The following EVI5L variants were observed in gnomAD, a reference collection of about 807,000 sequenced individuals.
EVI5L encodes ecotropic viral integration site 5 like, also known as EVI5-like protein.
In EVI5L, 30 loss-of-function variants were observed where a neutral mutation model predicts 106.1. That is an observed-to-expected ratio of 0.28 (90% confidence interval 0.21 to 0.38). EVI5L has a LOEUF of 0.38. Ranked by LOEUF, EVI5L falls within the 10% of genes least tolerant of loss-of-function variation. The probability of loss-of-function intolerance (pLI) is 1.00; values close to 1 mark genes in which losing one functional copy is unlikely to be tolerated. For missense variants in EVI5L, 809 were observed against 1,098.0 expected (o/e 0.74, Z 3.72); for synonymous variants, 489 against 483.3 (o/e 1.01, Z -0.15).
rs533036728 is a variant in EVI5L at position 7,863,320 on chromosome 19, C to A, written c.2139+40C>A. The stretch of plus-strand genomic sequence containing the variant: ...GGATGCCGGGGACAGGCCTGGGTGT[C>A]GTCGGCCTGGGACGAGCCGAGCGCA... On this transcript the variant is annotated intron_variant, in intron 19 of 19. Transcript: ENST00000538904. This position sits in a 1 kb window ranked among gnomAD's most constrained non-coding sequence, Gnocchi z 7.7. The A allele has an allele frequency of 1.9e-6, 3 of 1,548,688 alleles. No homozygotes were observed. Among genetic ancestry groups the A allele is most frequent in the South Asian group, 1.2e-5 (1 of 83,974 alleles).
At chr19:7,831,634 C>T (rs1156626353) in intron 1 of EVI5L, among the ~76,000 whole-genome samples, 1 of 152,242 alleles carries the variant, frequency 6.6e-6, no homozygotes, top group Non-Finnish European at 1.5e-5. Flanking sequence ...GGGAAGGACG[C>T]TCACTTTCTC....
chr19:7,844,865 GA>G (rs1456998210), intron 1 of EVI5L, among the ~76,000 whole-genome samples: 5 of 152,130 alleles, frequency 3.3e-5, no homozygotes, highest in African/African-American at 9.7e-5. Context: ...CCCATACAGT[GA>G]AAAAAGAATG....
chr19:7,853,621 G>A (rs930421645), intron 10 of EVI5L: 25 of 509,926 alleles, frequency 4.9e-5, no homozygotes, highest in Non-Finnish European at 7.5e-5. Context: ...ACTAGAGTGC[G>A]GACTCTAAAT....
rs951425714 is a variant in EVI5L at position 7,849,326 on chromosome 19, T to C, written c.623T>C (p.Met208Thr). The part of the protein sequence containing the change: ...GSAFIVGLLL[M>T]QMPEEEAFCV... The stretch of plus-strand genomic sequence containing the variant: ...GCCTTCATCGTGGGCCTGCTCCTCA[T>C]GCAGGTAGGTGGCTGGGGGGTGGCT... Residue 208 changes from methionine to threonine, a missense_variant, in exon 5 of 20, where the codon ATG becomes ACG. Around this residue, in one of 2 missense-constraint regions of EVI5L, gnomAD observed 357 missense variants for 588.1 expected, o/e 0.61. Transcript: ENST00000538904. 1 of 1,614,016 alleles carries C rather than the reference T, an allele frequency of 6.2e-7. No individual in the cohort carries two copies. Among genetic ancestry groups the C allele is most frequent in the Non-Finnish European group, 8.5e-7 (1 of 1,180,016 alleles).
At chr19:7,851,021 T>TGG (rs5826986) in intron 6 of EVI5L, among the ~76,000 whole-genome samples, 7 of 148,098 alleles carry the variant, frequency 4.7e-5, no homozygotes, top group African/African-American at 1.7e-4. Flanking sequence ...CGTAACAAGG[T>TGG]GGGGGGGGGG....
rs1367011956 is a variant in EVI5L at position 7,857,286 on chromosome 19, CG to C, written c.1233+169del. 77 of 890,096 alleles carry C rather than the reference CG, an allele frequency of 8.7e-5. No individual in the cohort carries two copies. Among genetic ancestry groups the C allele is most frequent in the South Asian group, 3.6e-4 (23 of 64,022 alleles). 55.1% of individuals were successfully genotyped at this position (890,096 alleles called of 1,614,324 possible). On this transcript the variant is annotated intron_variant, in intron 12 of 19. Transcript: ENST00000538904. The surrounding 1 kb of genome is among the most constrained non-coding windows in gnomAD (Gnocchi z 4.5). ...GCTTCTGGGGGACACAGAGGCTTCC[CG>C]GGGGGGCGGGGCATGTGAAGTGGGG...
intron 17 of EVI5L, 145 bp downstream of exon 17, chr19:7,862,679 C>T: frequency 2.9e-6 from 2 of 700,752 alleles, no homozygotes; most frequent in Non-Finnish European, 4.1e-6. Context: ...GCCCGCGGCC[C>T]CGCCTCCTGA....
At position 7,863,589 on chromosome 19, in the gene EVI5L, C is replaced by T. The variant is rs1307212342; in HGVS notation, c.2305C>T (p.Arg769Cys). The T allele has an allele frequency of 6.3e-7, 1 of 1,585,638 alleles. No individual in the cohort carries two copies. The highest frequency in any genetic ancestry group is 1.8e-5 in the Admixed American group (1 of 56,754). The change falls in exon 20 of 20, where the codon CGC (arginine) becomes TGC (cysteine). Residue 769 changes from arginine to cysteine, a missense_variant. Arg to Cys is a radical substitution (Grantham distance 180). Transcript: ENST00000538904. This position sits in a 1 kb window ranked among gnomAD's most constrained non-coding sequence, Gnocchi z 7.7. ...LQDALYPLSP[R>C]DARFFRRLER... is the part of the protein sequence containing the mutation. The stretch of plus-strand genomic sequence containing the variant: ...GGACGCATTGTACCCTCTGTCCCCG[C>T]GCGATGCGCGCTTCTTCCGCCGTCT...
At chr19:7,840,674 GGA>G (rs1328988377) in intron 1 of EVI5L, among the ~76,000 whole-genome samples, 3 of 109,564 alleles carry the variant, frequency 2.7e-5, no homozygotes, top group Non-Finnish European at 7.2e-5. Context: ...CTGTCTCTAT[GGA>G]TTGCCTATTC....
Position 7,857,121 on chromosome 19 carries a change from C to T in EVI5L, c.1230C>T (p.Ile410=). 6.4e-7 allele frequency: 1 copy of T among 1,551,770 alleles called. No homozygotes were observed. Among genetic ancestry groups the T allele is most frequent in the East Asian group, 2.4e-5 (1 of 40,930 alleles). Residue 410 remains isoleucine (I), a synonymous_variant, in exon 12 of 20, where the codon ATC becomes ATT. Coordinates refer to ENST00000538904, the MANE Select transcript of EVI5L (RefSeq NM_001159944.3). This position sits in a 1 kb window ranked among gnomAD's most constrained non-coding sequence, Gnocchi z 4.5. ...KESAALADRL[I]QGQVTRAQEA... ...GCGCTGCTCTGGCTGATAGGTTAAT[C>T]CAGGTACTGTAGCTTTTTATCCCCT...
intron 1 of EVI5L, among the ~76,000 whole-genome samples, chr19:7,836,099 T>C (rs1232550633): frequency 6.6e-6 from 1 of 152,014 alleles, no homozygotes; most frequent in Non-Finnish European, 1.5e-5. Context: ...TAGCCAGATA[T>C]GGTGGCACGC....
chr19:7,849,467 C>A, intron 5 of EVI5L, 137 bp downstream of exon 5: 1 of 956,694 alleles, frequency 1.0e-6, no homozygotes, highest in Non-Finnish European at 1.5e-6. Flanking sequence ...CATCCACACC[C>A]GTGACCTCTG....
Position 7,857,506 on chromosome 19 carries a change from G to A in EVI5L, c.1233+382G>A, listed in dbSNP as rs942058051. 6.5e-5 allele frequency: 23 copies of A among 354,758 alleles called. No homozygotes were observed. Among genetic ancestry groups the A allele is most frequent in the South Asian group, 1.6e-4 (5 of 31,894 alleles). 22.0% of individuals were successfully genotyped at this position (354,758 alleles called of 1,614,324 possible). On this transcript the variant is annotated intron_variant, in intron 12 of 19. Transcript: ENST00000538904. The surrounding 1 kb of genome is among the most constrained non-coding windows in gnomAD (Gnocchi z 4.5). ...ACACAACACATGCACACACACACAC[G>A]CACACACACGCCCGGCCCTCACGCT...
rs1168698882 is a variant in EVI5L at position 7,856,950 on chromosome 19, G to C, written c.1201-142G>C. Reference sequence around the variant, plus strand: ...CGGGTCCTCTCCTGCTGGTTCTCTGGTCTTCCCTCCTCTCTCCCCCGCTTC... The same window carrying C: ...CGGGTCCTCTCCTGCTGGTTCTCTGCTCTTCCCTCCTCTCTCCCCCGCTTC... On this transcript the variant is annotated intron_variant, in intron 11 of 19. Coordinates refer to ENST00000538904, the MANE Select transcript of EVI5L (RefSeq NM_001159944.3). The surrounding 1 kb of genome is among the most constrained non-coding windows in gnomAD (Gnocchi z 6.6). The C allele has an allele frequency of 2.3e-6, 2 of 864,416 alleles. No homozygotes were observed. Among genetic ancestry groups the C allele is most frequent in the Non-Finnish European group, 3.8e-6 (2 of 528,432 alleles). The allele number at this position is 864,416 out of a possible 1,614,324, so 53.5% of individuals were successfully genotyped here.
chr19:7,848,488 T>C lies in EVI5L; in HGVS notation c.328-433T>C, dbSNP rs1979069956. ...GGCGTGCACCTGTAATCCCAGCTAC[T>C]TGGGAGGCTGAGGCAGGAGAATCAC... On this transcript the variant is annotated intron_variant, in intron 3 of 19. Coordinates refer to ENST00000538904, the MANE Select transcript of EVI5L (RefSeq NM_001159944.3). The surrounding 1 kb of genome is among the most constrained non-coding windows in gnomAD (Gnocchi z 4.8). 6.6e-6 allele frequency among the ~76,000 whole-genome samples: 1 copy of C among 151,914 alleles called. No individual in the cohort carries two copies. Among genetic ancestry groups the C allele is most frequent in the South Asian group, 2.1e-4 (1 of 4,818 alleles).
chr19:7,851,859 G>C, intron 8 of EVI5L, 89 bp downstream of exon 8: 1 of 1,214,164 alleles, frequency 8.2e-7, no homozygotes, highest in East Asian at 2.8e-5. Context: ...GAGAGGGCCC[G>C]GCTTCGAGGG....
intron 1 of EVI5L, 97 bp from the exon 2 acceptor site, chr19:7,846,399 G>T (rs1978949745): frequency 1.7e-6 from 2 of 1,176,194 alleles, no homozygotes; most frequent in Admixed American, 2.5e-5. Context: ...GTGGACCAGA[G>T]GCAGGAAGCC....
chr19:7,854,053 A>C (rs1979404069), intron 10 of EVI5L, among the ~76,000 whole-genome samples: 1 of 152,020 alleles, frequency 6.6e-6, no homozygotes, highest in South Asian at 2.1e-4. Flanking sequence ...AGGCGGAGGC[A>C]GGTGGATCAC....
chr19:7,851,012 G>A (rs527643403), intron 6 of EVI5L, among the ~76,000 whole-genome samples: 26 of 138,362 alleles, frequency 1.9e-4, no homozygotes, highest in African/African-American at 5.9e-4. Context: ...GGCAGGTCAC[G>A]TAACAAGGTG....
Sources: gnomAD v4.1 joint callset for allele counts (sites outside exome capture counted in the v4.1 genomes callset) on GRCh38, gnomAD v4.1.1 for gene constraint, gnomAD v4.1.1 regional missense constraint, Gnocchi (gnomAD v3.1) non-coding constraint, MANE v1.5 for transcripts, NCBI Gene and HGNC (gene_info 2026-07-23, HGNC 2026-07-21) for gene names.